Variants in NCKAP5 observed in about 807,000 individuals in gnomAD.
NCKAP5 encodes the protein nck-associated protein 5.
A neutral mutation model predicts 167.0 loss-of-function variants in NCKAP5; 92 were observed. The ratio of observed to expected loss-of-function variants is 0.55; its 90% CI spans 0.47 to 0.66. NCKAP5 has a LOEUF of 0.66. Among genes scored for constraint, NCKAP5 ranks in the 30% least tolerant of loss-of-function variants. The pLI is 0.00. For synonymous variants in NCKAP5, 891 were observed against 877.4 expected, an observed-to-expected ratio of 1.02 and a Z score of -0.27; for missense variants, 2,378 against 2,315.0, an observed-to-expected ratio of 1.03 and a Z score of -0.56.
At chr2:133,059,731 C>T (rs755454866) in intron 6 of NCKAP5, among the ~76,000 whole-genome samples, 1 of 150,876 alleles carries the variant, frequency 6.6e-6, no homozygotes, top group Non-Finnish European at 1.5e-5. Context: ...TTTTAAAAGA[C>T]ATAATGCTAT....
chr2:132,743,550 C>A (rs1218137969), intron 16 of NCKAP5, among the ~76,000 whole-genome samples: 1 of 150,966 alleles, frequency 6.6e-6, no homozygotes, highest in Non-Finnish European at 1.5e-5. Flanking sequence ...AGAGGTATAG[C>A]TAATAAGTTA....
Position 132,782,647 on chromosome 2 carries a change from C to T in NCKAP5, c.4164G>A (p.Gln1388=). The change falls in exon 14 of 20, where the codon CAG becomes CAA. Residue 1388 remains glutamine, a synonymous_variant. Transcript: ENST00000409261. Reference sequence around the variant, plus strand: ...GGCACTCTCCCTGGGTGAAGGCCTGCTGGTCTTCCTTTCCAGGTGGGATGA... The same window carrying T: ...GGCACTCTCCCTGGGTGAAGGCCTGTTGGTCTTCCTTTCCAGGTGGGATGA... ...GLLIPPGKED[Q]QAFTQGECPS... The T allele has an allele frequency of 1.2e-6, 2 of 1,609,662 alleles. No individual in the cohort carries two copies. The highest frequency in any genetic ancestry group is 1.7e-6 in the Non-Finnish European group (2 of 1,177,810).
intron 3 of NCKAP5, among the ~76,000 whole-genome samples, chr2:133,478,426 C>T (rs1339795585): frequency 6.6e-6 from 1 of 152,152 alleles, no homozygotes; most frequent in African/African-American, 2.4e-5. Flanking sequence ...GTAACTCCAA[C>T]ATTTACTAGC....
chr2:133,444,389 TAG>T (rs1254767124), intron 3 of NCKAP5, among the ~76,000 whole-genome samples: 1,605 of 151,132 alleles, frequency 0.011, 28 homozygotes, highest in African/African-American at 0.036. Context: ...GATAGATAGA[TAG>T]ATAGATAGAT....
intron 3 of NCKAP5, among the ~76,000 whole-genome samples, chr2:133,401,151 C>T (rs1688071427): frequency 6.6e-6 from 1 of 152,112 alleles, no homozygotes; most frequent in Admixed American, 6.6e-5. Flanking sequence ...AACAGAACGT[C>T]CACAAAAAAT....
chr2:133,291,289 A>G (rs1305929191), intron 4 of NCKAP5, among the ~76,000 whole-genome samples: 1 of 152,184 alleles, frequency 6.6e-6, no homozygotes. Flanking sequence ...AATTAGACAA[A>G]CAAGTCAGTG....
chr2:133,632,097 G>A, the NCKAP5 span, among the ~76,000 whole-genome samples: 1 of 152,208 alleles, frequency 6.6e-6, no homozygotes, highest in Admixed American at 6.5e-5. Flanking sequence ...AGGATGAGCA[G>A]TGTCCTGTCC....
At chr2:133,325,708 C>T (rs971427801) in intron 3 of NCKAP5, among the ~76,000 whole-genome samples, 1 of 152,200 alleles carries the variant, frequency 6.6e-6, no homozygotes, top group African/African-American at 2.4e-5. Flanking sequence ...TGAATGAAAG[C>T]TAGTTAACAC....
the NCKAP5 span, among the ~76,000 whole-genome samples, chr2:133,634,755 G>A: frequency 1.1e-4 from 16 of 152,012 alleles, no homozygotes; most frequent in Admixed American, 2.6e-4. Flanking sequence ...GATAAACAAT[G>A]ATTTATTCTG....
chr2:133,005,779 T>C (rs1427548609), intron 6 of NCKAP5, among the ~76,000 whole-genome samples: 2 of 152,198 alleles, frequency 1.3e-5, no homozygotes, highest in African/African-American at 2.4e-5. Context: ...TTGGCCACTG[T>C]GTTTAGGAAT....
At chr2:133,304,916 C>G (rs915955745) in intron 3 of NCKAP5, among the ~76,000 whole-genome samples, 2 of 152,138 alleles carry the variant, frequency 1.3e-5, no homozygotes, top group Admixed American at 1.3e-4. Context: ...GGAGGAGCAG[C>G]TTTGTCACGT....
At chr2:132,761,574 C>T (rs961840163) in intron 16 of NCKAP5, among the ~76,000 whole-genome samples, 8 of 152,210 alleles carry the variant, frequency 5.3e-5, no homozygotes, top group African/African-American at 1.4e-4. Context: ...ATATCCTATA[C>T]TTTAGTAGAT....
chr2:133,447,290 A>T (rs536318460), intron 3 of NCKAP5, among the ~76,000 whole-genome samples: 1 of 152,334 alleles, frequency 6.6e-6, no homozygotes, highest in African/African-American at 2.4e-5. Context: ...CAGAATTCAG[A>T]GGTAAATGTC....
intron 2 of NCKAP5, among the ~76,000 whole-genome samples, chr2:133,553,727 G>A (rs890470834): frequency 2.6e-5 from 4 of 152,040 alleles, no homozygotes; most frequent in South Asian, 4.2e-4. Flanking sequence ...TGCTCAACCC[G>A]CTCAATTTTG....
At chr2:133,665,009 A>C in the NCKAP5 span, among the ~76,000 whole-genome samples, 1 of 152,178 alleles carries the variant, frequency 6.6e-6, no homozygotes, top group Non-Finnish European at 1.5e-5. Context: ...AGTTTCATAG[A>C]GTTGAGGAGA....
intron 6 of NCKAP5, among the ~76,000 whole-genome samples, chr2:133,001,510 A>G (rs1314153430): frequency 6.6e-6 from 1 of 152,182 alleles, no homozygotes; most frequent in Admixed American, 6.5e-5. Context: ...GAAATGCATC[A>G]AAAATATTTC....
Position 133,178,504 on chromosome 2 carries a change from C to CAAAA in NCKAP5, c.207+35208_207+35211dup, listed in dbSNP as rs869253241. Among the ~76,000 whole-genome samples the CAAAA allele has an allele frequency of 1.1e-3, 26 of 23,950 alleles. 8 individuals are homozygous for CAAAA. The highest frequency in any genetic ancestry group is 3.7e-3 in the African/African-American group (14 of 3,758). 15.7% of individuals were successfully genotyped at this position (23,950 alleles called of 152,430 possible). On this transcript the variant is annotated intron_variant, in intron 5 of 19. Transcript: ENST00000409261. ...TGGGTGACACAATGAGACCCTGTCT[C>CAAAA]AAAAAAAAAAAAAAAAAAAAAAAAA...
chr2:132,921,224 C>T (rs952981785), intron 8 of NCKAP5, among the ~76,000 whole-genome samples: 8 of 152,052 alleles, frequency 5.3e-5, no homozygotes, highest in South Asian at 4.2e-4. Flanking sequence ...TCTCTCTCTC[C>T]AATCTCCTCT....
At chr2:133,299,237 C>A (rs1368270896) in intron 4 of NCKAP5, among the ~76,000 whole-genome samples, 1 of 152,046 alleles carries the variant, frequency 6.6e-6, no homozygotes, top group Non-Finnish European at 1.5e-5. Context: ...ACATATAGCA[C>A]TTTACCCAAG....
Sources: allele counts gnomAD v4.1 joint callset (sites outside exome capture counted in the v4.1 genomes callset), GRCh38; gene constraint gnomAD v4.1.1; transcripts MANE v1.5; gene names NCBI Gene and HGNC (gene_info 2026-07-23, HGNC 2026-07-21).